Variants in GET3 observed in about 807,000 individuals in gnomAD.
GET3 encodes ATPase GET3.
Under a neutral mutation model 32.4 loss-of-function variants are expected in GET3, and 15 were observed. That is an observed-to-expected ratio of 0.46 (90% confidence interval 0.31 to 0.71). The LOEUF is 0.71. GET3 is among the 30% of genes least tolerant of loss of function. The pLI is 0.05. For synonymous variants in GET3, 198 were observed against 185.6 expected (o/e 1.07, Z -0.54); for missense variants, 333 against 459.0 (o/e 0.73, Z 2.51).
intron 1 of GET3, 120 bp from the exon 2 acceptor site, chr19:12,738,391 C>T: frequency 7.9e-7 from 1 of 1,260,142 alleles, no homozygotes; most frequent in African/African-American, 1.5e-5. Context: ...CCCATACTCT[C>T]CTCTCAAGGC....
chr19:12,737,320 A>T (rs1967587335), upstream of GET3: 2 of 853,466 alleles, frequency 2.3e-6, no homozygotes, highest in South Asian at 4.5e-5. Flanking sequence ...AAAATTATAG[A>T]CCAGAGGTTG....
intron 2 of GET3, among the ~76,000 whole-genome samples, chr19:12,744,896 G>A (rs1203924617): frequency 6.6e-6 from 1 of 152,104 alleles, no homozygotes; most frequent in Non-Finnish European, 1.5e-5. Context: ...GGGACTACAG[G>A]CGTGAGCTAT....
Position 12,748,309 on chromosome 19 carries a change from ATGATCT to A in GET3, c.*207_*212del. 2.0e-6 allele frequency: 1 copy of A among 494,698 alleles called. No homozygotes were observed. The highest frequency in any genetic ancestry group is 1.9e-5 in the African/African-American group (1 of 51,646). 30.6% of individuals were successfully genotyped at this position (494,698 alleles called of 1,614,324 possible). Reference sequence around the variant, plus strand: ...CTCCCACCTCTTGCTCTTCAATAAAATGATCTTAAACTGCTGTATTGTTGACATTGG... The same window carrying A: ...CTCCCACCTCTTGCTCTTCAATAAAATAAACTGCTGTATTGTTGACATTGG... On this transcript the variant is annotated 3_prime_UTR_variant, in exon 7 of 7. Transcript: ENST00000357332.
In GET3 at chr19:12,747,190, C is replaced by A; in HGVS notation, c.610-7C>A. On this transcript the variant is annotated splice_region_variant and splice_polypyrimidine_tract_variant and intron_variant, in intron 4 of 6. Transcript: ENST00000357332. The surrounding 1 kb of genome is among the most constrained non-coding windows in gnomAD (Gnocchi z 4.0). ...AAGCTATGAGCCCTCCCACATCCCC[C>A]CTGCAGATGTGCAACATGCTGGGCC... The A allele has an allele frequency of 6.3e-7, 1 of 1,584,494 alleles. No individual in the cohort carries two copies. The highest frequency in any genetic ancestry group is 8.6e-7 in the Non-Finnish European group (1 of 1,164,698).
rs1236076366 is a variant in GET3 at position 12,737,831 on chromosome 19, G to T, written c.161+165G>T. ...TGGAGCAAATGAGAAAGACCTCAATGCAGCCCTAGCACCCTCTGAGTTGGA... is the reference window on the plus strand; with the variant it reads ...TGGAGCAAATGAGAAAGACCTCAATTCAGCCCTAGCACCCTCTGAGTTGGA... On this transcript the variant is annotated intron_variant, in intron 1 of 6. Coordinates refer to ENST00000357332, the MANE Select transcript of GET3 (RefSeq NM_004317.4). 7.2e-5 allele frequency among the ~76,000 whole-genome samples: 11 copies of T among 152,286 alleles called. 1 individual carries two copies. The South Asian group carries it at 1.5e-3, about 20-fold the overall frequency.
In GET3 at chr19:12,737,666, G is replaced by C. The variant is rs368246110; in HGVS notation, c.161G>C (p.Ser54Thr). 3 of 1,607,598 alleles carry C rather than the reference G, an allele frequency of 1.9e-6. No homozygotes were observed. Among genetic ancestry groups the C allele is most frequent in the Non-Finnish European group, 2.5e-6 (3 of 1,178,182 alleles). Residue 54 changes from serine to threonine, a missense_variant and splice_region_variant, in exon 1 of 7, where the codon AGC (serine) becomes ACC (threonine). Physicochemically the swap from Ser to Thr is moderately conservative, Grantham distance 58. Transcript: ENST00000357332. ...GGTGGTGTGGGCAAGACCACCTGCAGGTAAGGAGGCTGCGGCGGGGGCCAG... is the reference window on the plus strand; with the variant it reads ...GGTGGTGTGGGCAAGACCACCTGCACGTAAGGAGGCTGCGGCGGGGGCCAG... ...GKGGVGKTTC[S>T]CSLAVQLSKG...
At chr19:12,742,843 G>A (rs150339491) in intron 2 of GET3, among the ~76,000 whole-genome samples, 10 of 152,112 alleles carry the variant, frequency 6.6e-5, no homozygotes, top group African/African-American at 1.9e-4. Flanking sequence ...TACCGCGCCC[G>A]GCCAAGACGC....
Position 12,748,191 on chromosome 19 carries a change from C to CTGTATTATGGGGGGGA in GET3, c.*87_*88insTGTATTATGGGGGGGA. The stretch of plus-strand genomic sequence containing the variant: ...GGGGCAGAGTTTGCACAAAGTCCCC[C>CTGTATTATGGGGGGGA]CCATAATACAGGGGGAGCCACTTGG... On this transcript the variant is annotated 3_prime_UTR_variant, in exon 7 of 7. Transcript: ENST00000357332. The CTGTATTATGGGGGGGA allele has an allele frequency of 7.6e-7, 1 of 1,315,588 alleles. No homozygotes were observed. 81.5% of individuals were successfully genotyped at this position (1,315,588 alleles called of 1,614,324 possible).
rs988018347 is a variant in GET3 at position 12,747,847 on chromosome 19, G to A, written c.916-126G>A. On this transcript the variant is annotated intron_variant, in intron 6 of 6. Transcript: ENST00000357332. The surrounding 1 kb of genome is among the most constrained non-coding windows in gnomAD (Gnocchi z 4.0). ...GCAGCTCCCACTTATGACACCTTAAGCTCCTGCCCTATATTCTCTCCCTGA... is the reference window on the plus strand; with the variant it reads ...GCAGCTCCCACTTATGACACCTTAAACTCCTGCCCTATATTCTCTCCCTGA... 1 of 1,103,714 alleles carries A rather than the reference G, an allele frequency of 9.1e-7. No homozygotes were observed. Among genetic ancestry groups the A allele is most frequent in the Non-Finnish European group, 1.3e-6 (1 of 765,666 alleles). 68.4% of individuals were successfully genotyped at this position (1,103,714 alleles called of 1,614,324 possible). A position where few individuals can be genotyped will look rare whatever the true frequency, so the allele number is the denominator to read the frequency against.
intron 2 of GET3, among the ~76,000 whole-genome samples, chr19:12,739,397 C>G (rs1568347844): frequency 6.6e-6 from 1 of 152,156 alleles, no homozygotes; most frequent in Non-Finnish European, 1.5e-5. Flanking sequence ...AACTCCTGAC[C>G]TCAAGTGATC....
chr19:12,737,280 A>G, upstream of GET3: 1 of 548,498 alleles, frequency 1.8e-6, no homozygotes, highest in Non-Finnish European at 3.0e-6. Context: ...GACCGTACCG[A>G]TGTGTTCATT....
At chr19:12,739,577 A>G (rs921513949) in intron 2 of GET3, among the ~76,000 whole-genome samples, 1 of 152,230 alleles carries the variant, frequency 6.6e-6, no homozygotes, top group Non-Finnish European at 1.5e-5. Context: ...AAAACTAGGA[A>G]AGGAGTAGGT....
At chr19:12,746,978 C>G (rs967052269) in intron 4 of GET3, among the ~76,000 whole-genome samples, 9 of 151,108 alleles carry the variant, frequency 6.0e-5, no homozygotes, top group Non-Finnish European at 1.2e-4. Context: ...CCATTGTACT[C>G]CAGCCTGGGC....
At chr19:12,739,507 G>A (rs1397477316) in intron 2 of GET3, among the ~76,000 whole-genome samples, 1 of 152,204 alleles carries the variant, frequency 6.6e-6, no homozygotes, top group African/African-American at 2.4e-5. Flanking sequence ...TTACTTGGGT[G>A]AGAAAAAGAA....
At chr19:12,742,783 A>G (rs1009650593) in intron 2 of GET3, among the ~76,000 whole-genome samples, 5 of 151,960 alleles carry the variant, frequency 3.3e-5, no homozygotes, top group African/African-American at 4.8e-5. Context: ...CTGACCTCAA[A>G]TGATCTGCCT....
At position 12,745,302 on chromosome 19, in the gene GET3, C is replaced by T. The variant is rs944170714; in HGVS notation, c.310-75C>T. 2 of 1,558,722 alleles carry T rather than the reference C, an allele frequency of 1.3e-6. No homozygotes were observed. Among genetic ancestry groups the T allele is most frequent in the South Asian group, 2.3e-5 (2 of 85,422 alleles). On this transcript the variant is annotated intron_variant, in intron 2 of 6. Coordinates refer to ENST00000357332, the MANE Select transcript of GET3 (RefSeq NM_004317.4). The surrounding 1 kb of genome is among the most constrained non-coding windows in gnomAD (Gnocchi z 5.0). ...CCCTGTGCCCGGGTAGGAAGGCTCC[C>T]CCTGGCCCTGTGCCCAGGTGGGAAG...
chr19:12,739,039 A>C (rs1967619866), intron 2 of GET3, among the ~76,000 whole-genome samples: 1 of 151,612 alleles, frequency 6.6e-6, no homozygotes, highest in Non-Finnish European at 1.5e-5. Flanking sequence ...GGCCAGGTGG[A>C]GATTTAATTG....
In GET3 at chr19:12,738,637, C is replaced by T; in HGVS notation, c.288C>T (p.Gly96=). Residue 96 remains glycine (G), a synonymous_variant, in exon 2 of 7, where the codon GGC becomes GGT. Transcript: ENST00000357332. ...KFSKVPTKVK[G]YDNLFAMEID... is the part of the protein sequence containing the mutation. The stretch of plus-strand genomic sequence containing the variant: ...CAAAGGTGCCTACCAAGGTCAAAGG[C>T]TATGACAACCTCTTTGCTATGGTGA... 3 of 1,614,224 alleles carry T rather than the reference C, an allele frequency of 1.9e-6. No homozygotes were observed. The highest frequency in any genetic ancestry group is 1.7e-5 in the Admixed American group (1 of 60,030).
Position 12,737,541 on chromosome 19 carries a change from A to C in GET3, c.36A>C (p.Ala12=), listed in dbSNP as rs371411489. Residue 12 remains alanine (A), a synonymous_variant, in exon 1 of 7, where the codon GCA becomes GCC. Coordinates refer to ENST00000357332, the MANE Select transcript of GET3 (RefSeq NM_004317.4). ...AAGVAGWGVE[A]EEFEDAPDVE... is the part of the protein sequence containing the mutation. ...GGGTGGCCGGGTGGGGGGTTGAGGC[A>C]GAGGAGTTCGAAGATGCTCCTGATG... 8.1e-6 allele frequency: 13 copies of C among 1,596,456 alleles called. No homozygotes were observed. The highest frequency in any genetic ancestry group is 1.1e-5 in the Non-Finnish European group (13 of 1,172,450).
Sources: allele counts gnomAD v4.1 joint callset (sites outside exome capture counted in the v4.1 genomes callset), GRCh38; gene constraint gnomAD v4.1.1; non-coding constraint Gnocchi (gnomAD v3.1); transcripts MANE v1.5; gene names NCBI Gene and HGNC (gene_info 2026-07-23, HGNC 2026-07-21).